CELSR1: variants seen among roughly 807,000 people sequenced by gnomAD.
The protein encoded by CELSR1 is cadherin EGF LAG seven-pass G-type receptor 1.
A neutral mutation model predicts 249.1 loss-of-function variants in CELSR1; 110 were observed. That is an observed-to-expected ratio of 0.44 (90% CI 0.38 to 0.52). CELSR1 has a LOEUF of 0.52. Ranked by LOEUF, CELSR1 falls within the 20% of genes least tolerant of loss-of-function variation. CELSR1 has a pLI of 0.00. For synonymous variants in CELSR1, 2,113 were observed against 1,900.0 expected, an observed-to-expected ratio of 1.11 and a Z score of -2.92; for missense variants, 4,109 against 4,296.4, an observed-to-expected ratio of 0.96 and a Z score of 1.22.
At position 46,439,214 on chromosome 22, in the gene CELSR1, G is replaced by A. The variant is rs922927841; in HGVS notation, c.4381C>T (p.Arg1461Cys). ...SFVTFRGLRQ[R>C]FHFTISLTFA... ...GTGAGGGAGATGGTGAAGTGGAAGC[G>A]CTGTCTCAGGCCCCGGAAGGTGACG... Residue 1461 changes from arginine to cysteine, a missense_variant, in exon 3 of 35, where the codon CGC becomes TGC. By Grantham distance (180) the Arg-to-Cys change is radical. Transcript: ENST00000674500. The A allele has an allele frequency of 4.3e-6, 7 of 1,613,618 alleles. No individual in the cohort carries two copies. The highest frequency in any genetic ancestry group is 1.7e-5 in the Admixed American group (1 of 59,998).
chr22:46,417,279 G>A lies in CELSR1; in HGVS notation c.4612-5520C>T, dbSNP rs1030073122. 6.6e-6 allele frequency among the ~76,000 whole-genome samples: 1 copy of A among 152,230 alleles called. No individual in the cohort carries two copies. The highest frequency in any genetic ancestry group is 2.4e-5 in the African/African-American group (1 of 41,462). Reference sequence around the variant, plus strand: ...TTCTCCGAAGCTGCTTGGGAAAGTGGTGGGAAGGGTCACGAGGAGCAAATT... The same window carrying A: ...TTCTCCGAAGCTGCTTGGGAAAGTGATGGGAAGGGTCACGAGGAGCAAATT... On this transcript the variant is annotated intron_variant, in intron 5 of 34. Coordinates refer to ENST00000674500, the MANE Select transcript of CELSR1 (RefSeq NM_001378328.1). This position sits in a 1 kb window ranked among gnomAD's most constrained non-coding sequence, Gnocchi z 4.1.
At chr22:46,524,033 G>A (rs1257157900) in intron 1 of CELSR1, among the ~76,000 whole-genome samples, 3 of 152,172 alleles carry the variant, frequency 2.0e-5, no homozygotes, top group Non-Finnish European at 2.9e-5. Context: ...CTGAGCTTCC[G>A]TCCTCAGAAA....
At chr22:46,507,398 C>T (rs926724260) in intron 1 of CELSR1, among the ~76,000 whole-genome samples, 4 of 152,048 alleles carry the variant, frequency 2.6e-5, no homozygotes, top group African/African-American at 7.3e-5. Flanking sequence ...CTTCAGCAGC[C>T]GAGGCAGGGG....
At chr22:46,495,022 T>C (rs1045602469) in intron 1 of CELSR1, among the ~76,000 whole-genome samples, 11 of 152,232 alleles carry the variant, frequency 7.2e-5, no homozygotes, top group East Asian at 3.8e-4. Flanking sequence ...GACTTCATCG[T>C]TGGGTGAACA....
chr22:46,384,708 T>A, intron 19 of CELSR1, 22 bp from the exon 20 acceptor site: 1 of 1,605,558 alleles, frequency 6.2e-7, no homozygotes, highest in Non-Finnish European at 8.5e-7. Flanking sequence ...GTTCCTTTAA[T>A]CAGACATAAC....
Position 46,363,228 on chromosome 22 carries a change from T to C in CELSR1, c.9055A>G (p.Ile3019Val), listed in dbSNP as rs375589385. Residue 3019 changes from isoleucine to valine, a missense_variant, in exon 35 of 35, where the codon ATT becomes GTT. This residue lies in a region of CELSR1 where 1,805 missense variants were observed against 1,831.6 expected (regional missense o/e 0.99). Transcript: ENST00000674500. The surrounding 1 kb of genome is among the most constrained non-coding windows in gnomAD (Gnocchi z 4.3). The stretch of plus-strand genomic sequence containing the variant: ...GAAGTTTCATTACTGATGGTTCAAA[T>C]TGAAGTTTCATTACTGCCTCTGCGC... ...SDSEGSNETS[I>V] 5.8e-5 allele frequency: 93 copies of C among 1,613,282 alleles called. No individual in the cohort carries two copies. The highest frequency in any genetic ancestry group is 1.9e-4 in the African/African-American group (14 of 74,772).
chr22:46,399,944 A>G lies in CELSR1; in HGVS notation c.5227-42T>C, dbSNP rs2079193895. The G allele has an allele frequency of 6.3e-7, 1 of 1,584,902 alleles. No homozygotes were observed. The highest frequency in any genetic ancestry group is 8.6e-7 in the Non-Finnish European group (1 of 1,158,994). On this transcript the variant is annotated intron_variant, in intron 9 of 34. Coordinates refer to ENST00000674500, the MANE Select transcript of CELSR1 (RefSeq NM_001378328.1). This position sits in a 1 kb window ranked among gnomAD's most constrained non-coding sequence, Gnocchi z 5.0. ...CACACCGACTGATTGGTACAATGAC[A>G]ATGAAAGAGAAAACATTTTGCAGTC... is the stretch of plus-strand genomic sequence containing the variant.
At position 46,409,671 on chromosome 22, in the gene CELSR1, C is replaced by A; in HGVS notation, c.5059+84G>T. The stretch of plus-strand genomic sequence containing the variant: ...GGCTGCCGGACCTGGATGTGAAGCC[C>A]CCTCACGGTGGTCCCGGGCACATCA... On this transcript the variant is annotated intron_variant, in intron 8 of 34. Transcript: ENST00000674500. The surrounding 1 kb of genome is among the most constrained non-coding windows in gnomAD (Gnocchi z 9.8). 6.5e-7 allele frequency: 1 copy of A among 1,538,456 alleles called. No individual in the cohort carries two copies.
chr22:46,451,814 T>C (rs1227185061), intron 2 of CELSR1, among the ~76,000 whole-genome samples: 2 of 152,248 alleles, frequency 1.3e-5, no homozygotes, highest in Non-Finnish European at 2.9e-5. Flanking sequence ...TTTACTTATA[T>C]GGCAAAAGTG....
chr22:46,444,942 G>A (rs965951112), intron 2 of CELSR1, among the ~76,000 whole-genome samples: 2 of 152,136 alleles, frequency 1.3e-5, no homozygotes, highest in Non-Finnish European at 2.9e-5. Context: ...GCGGTGGCTC[G>A]TGCCTGTAAT....
intron 1 of CELSR1, among the ~76,000 whole-genome samples, chr22:46,470,307 G>A (rs1335410152): frequency 6.6e-6 from 1 of 151,752 alleles, no homozygotes; most frequent in Non-Finnish European, 1.5e-5. Flanking sequence ...TAATGTTTGG[G>A]TCTGAGCTTA....
intron 1 of CELSR1, among the ~76,000 whole-genome samples, chr22:46,465,658 A>C (rs1359960569): frequency 2.0e-5 from 3 of 152,262 alleles, no homozygotes; most frequent in African/African-American, 7.2e-5. Flanking sequence ...TCCCAGCACC[A>C]GGAGCCACCA....
In CELSR1 at chr22:46,427,789, G is replaced by A. The variant is rs893857511; in HGVS notation, c.4611+5604C>T. Among the ~76,000 whole-genome samples, 13 of 152,126 alleles carry A rather than the reference G, an allele frequency of 8.5e-5. No homozygotes were observed. The highest frequency in any genetic ancestry group is 1.8e-4 in the Non-Finnish European group (12 of 68,016). The stretch of plus-strand genomic sequence containing the variant: ...AGGAGGGAGGGAAAGGGAAGGCTAC[G>A]TGGCCTCACCCAGGGGACCACACAA... On this transcript the variant is annotated intron_variant, in intron 5 of 34. Transcript: ENST00000674500. The surrounding 1 kb of genome is among the most constrained non-coding windows in gnomAD (Gnocchi z 4.2).
In CELSR1 at chr22:46,398,922, G is replaced by A. The variant is rs79453499; in HGVS notation, c.5413-285C>T. Among the ~76,000 whole-genome samples the A allele has an allele frequency of 0.012, 1,895 of 152,304 alleles. 23 individuals are homozygous for A. The highest frequency in any genetic ancestry group is 0.017 in the Non-Finnish European group (1,129 of 68,030). On this transcript the variant is annotated intron_variant, in intron 10 of 34. Transcript: ENST00000674500. This position sits in a 1 kb window ranked among gnomAD's most constrained non-coding sequence, Gnocchi z 7.2. The stretch of plus-strand genomic sequence containing the variant: ...GGCAACTGTCCCGCCTCCGTCAAGG[G>A]CACAACACTAAACCAGCCACGCTGT...
chr22:46,374,604 G>A lies in CELSR1; in HGVS notation c.7585-1547C>T, dbSNP rs1161958027. 1.3e-5 allele frequency among the ~76,000 whole-genome samples: 2 copies of A among 152,132 alleles called. No homozygotes were observed. Among genetic ancestry groups the A allele is most frequent in the South Asian group, 2.1e-4 (1 of 4,828 alleles). ...TGGCTGCCGGGACAGCGCTCACTCCGGCAGGCGACGAGTCAGTGTGGGAAC... is the reference window on the plus strand; with the variant it reads ...TGGCTGCCGGGACAGCGCTCACTCCAGCAGGCGACGAGTCAGTGTGGGAAC... On this transcript the variant is annotated intron_variant, in intron 24 of 34. Coordinates refer to ENST00000674500, the MANE Select transcript of CELSR1 (RefSeq NM_001378328.1). This position sits in a 1 kb window ranked among gnomAD's most constrained non-coding sequence, Gnocchi z 4.3.
At chr22:46,495,322 C>A (rs1369686154) in intron 1 of CELSR1, among the ~76,000 whole-genome samples, 1 of 152,136 alleles carries the variant, frequency 6.6e-6, no homozygotes, top group Non-Finnish European at 1.5e-5. Context: ...ATTTGTAAGT[C>A]TAAACATATC....
rs2079340749 is a variant in CELSR1, at chr22:46,411,845, G to A, written c.4612-86C>T. ...GCACCTGTCACTCATAGAGCGAGGA[G>A]GACATGGCACAGGGTGGGCGGCACG... On this transcript the variant is annotated intron_variant, in intron 5 of 34. Transcript: ENST00000674500. The surrounding 1 kb of genome is among the most constrained non-coding windows in gnomAD (Gnocchi z 4.2). The A allele has an allele frequency of 6.4e-7, 1 of 1,557,670 alleles. No individual in the cohort carries two copies. Among genetic ancestry groups the A allele is most frequent in the South Asian group, 1.1e-5 (1 of 87,988 alleles).
At chr22:46,503,675 T>A (rs2080487241) in intron 1 of CELSR1, among the ~76,000 whole-genome samples, 1 of 152,238 alleles carries the variant, frequency 6.6e-6, no homozygotes, top group Non-Finnish European at 1.5e-5. Flanking sequence ...CCAAAGAAGT[T>A]AAGCAAGTTG....
In CELSR1 at chr22:46,364,045, C is replaced by T. The variant is rs549610787; in HGVS notation, c.8986G>A (p.Ala2996Thr). The T allele has an allele frequency of 9.3e-6, 15 of 1,611,816 alleles. No homozygotes were observed. The East Asian group carries it at 3.3e-4, about 36-fold the overall frequency. The change falls in exon 34 of 35, where the codon GCC (alanine) becomes ACC (threonine). Residue 2996 changes from alanine to threonine, a missense_variant. Physicochemically the swap from Ala to Thr is moderately conservative, Grantham distance 58. Transcript: ENST00000674500. ...GCGCTCCCAGTGCGCACATTCATGG[C>T]CACCCCGTTGAGGTGGTCACGCCCC... ...EPGRDHLNGV[A>T]MNVRTGSAQA... is the part of the protein sequence containing the mutation.
Sources: allele counts gnomAD v4.1 joint callset (sites outside exome capture counted in the v4.1 genomes callset), GRCh38; gene constraint gnomAD v4.1.1; regional missense constraint gnomAD v4.1.1; non-coding constraint Gnocchi (gnomAD v3.1); transcripts MANE v1.5; gene names NCBI Gene and HGNC (gene_info 2026-07-23, HGNC 2026-07-21).